The following MMP16 variants were observed in gnomAD, a reference collection of about 807,000 sequenced individuals.
The protein encoded by MMP16 is matrix metalloproteinase-16.
A neutral mutation model predicts 67.8 loss-of-function variants in MMP16; 12 were observed. The observed-to-expected ratio is 0.18, with a 90% CI of 0.11 to 0.29. The LOEUF is 0.29. MMP16 is among the 10% of genes least tolerant of loss of function. MMP16 has a pLI of 1.00. For synonymous variants in MMP16, 249 were observed against 255.9 expected (o/e 0.97, Z 0.26); for missense variants, 475 against 765.7 (o/e 0.62, Z 4.48).
intron 6 of MMP16, among the ~76,000 whole-genome samples, chr8:88,110,932 T>G (rs1057093375): frequency 1.3e-5 from 2 of 151,718 alleles, no homozygotes; most frequent in Admixed American, 6.6e-5. Context: ...ATGGAGTTTA[T>G]TAGCCATTAT....
chr8:88,146,448 C>T (rs369268355), intron 4 of MMP16, among the ~76,000 whole-genome samples: 39 of 151,940 alleles, frequency 2.6e-4, no homozygotes, highest in African/African-American at 8.7e-4. Flanking sequence ...TTTGCTGTTT[C>T]GAAAAGCACA....
intron 4 of MMP16, among the ~76,000 whole-genome samples, chr8:88,150,741 C>T (rs1184823142): frequency 5.1e-4 from 76 of 149,602 alleles, no homozygotes; most frequent in African/African-American, 1.7e-3. Flanking sequence ...ACAACCGGTA[C>T]CAGCCGCTGC....
chr8:88,136,234 C>A (rs984541085), intron 4 of MMP16, among the ~76,000 whole-genome samples: 5 of 151,800 alleles, frequency 3.3e-5, no homozygotes, highest in Admixed American at 3.3e-4. Flanking sequence ...TGACCTCTGA[C>A]AGGAGCCTGG....
intron 1 of MMP16, among the ~76,000 whole-genome samples, chr8:88,315,048 C>T (rs895539265): frequency 1.3e-5 from 2 of 152,152 alleles, no homozygotes; most frequent in South Asian, 2.1e-4. Flanking sequence ...AGGGATAACT[C>T]CTTTATTACC....
At chr8:88,296,152 G>A (rs533085791) in intron 1 of MMP16, among the ~76,000 whole-genome samples, 164 of 152,080 alleles carry the variant, frequency 1.1e-3, no homozygotes, top group African/African-American at 3.7e-3. Context: ...TTTATTCAAC[G>A]ATTATTCGCC....
chr8:88,075,324 G>C (rs1808629440), intron 6 of MMP16, among the ~76,000 whole-genome samples: 1 of 152,070 alleles, frequency 6.6e-6, no homozygotes, highest in Admixed American at 6.6e-5. Flanking sequence ...ATTCTAGTCT[G>C]GATTAATTGC....
chr8:88,055,597 G>T (rs901633402), intron 8 of MMP16, among the ~76,000 whole-genome samples: 7 of 152,178 alleles, frequency 4.6e-5, no homozygotes, highest in African/African-American at 1.7e-4. Context: ...GAGTAAAATA[G>T]TTGGGAAAAA....
At chr8:88,264,819 A>G (rs1810448927) in intron 1 of MMP16, among the ~76,000 whole-genome samples, 2 of 152,246 alleles carry the variant, frequency 1.3e-5, no homozygotes, top group South Asian at 4.1e-4. Context: ...ACACAGAGCT[A>G]ATACAACAAT....
intron 8 of MMP16, 64 bp downstream of exon 8, chr8:88,056,064 A>C: frequency 7.8e-7 from 1 of 1,283,390 alleles, no homozygotes; most frequent in Non-Finnish European, 1.0e-6. Flanking sequence ...CTGATAGACT[A>C]GAAATGCTGA....
Position 88,095,309 on chromosome 8 carries a change from G to C in MMP16, c.1084-20566C>G, listed in dbSNP as rs1809007495. ...GTTCTTTAATTTTTTTTTTCCACCA[G>C]CAACCTAAATAGAAATGGCATGTTA... On this transcript the variant is annotated intron_variant, in intron 6 of 9. Transcript: ENST00000286614. 2.0e-5 allele frequency among the ~76,000 whole-genome samples: 3 copies of C among 151,370 alleles called. No homozygotes were observed. The South Asian group carries it at 6.2e-4, about 31-fold the overall frequency.
At position 88,094,831 on chromosome 8, in the gene MMP16, T is replaced by C. The variant is rs151338646; in HGVS notation, c.1084-20088A>G. 4.6e-5 allele frequency among the ~76,000 whole-genome samples: 7 copies of C among 151,980 alleles called. No individual in the cohort carries two copies. In the East Asian group the frequency reaches 9.7e-4, roughly 21 times the overall value. On this transcript the variant is annotated intron_variant, in intron 6 of 9. Coordinates refer to ENST00000286614, the MANE Select transcript of MMP16 (RefSeq NM_005941.5). ...CCCTTGTACTACAGTTAATAGGTTT[T>C]ACTCTGTGTGTTATGTAAAGCCTGT...
At chr8:88,290,599 A>G (rs1810912212) in intron 1 of MMP16, among the ~76,000 whole-genome samples, 1 of 151,952 alleles carries the variant, frequency 6.6e-6, no homozygotes, top group Non-Finnish European at 1.5e-5. Context: ...TTATTTAGAG[A>G]CTGGGTGTGA....
chr8:88,254,423 T>A (rs1243817119), intron 1 of MMP16, among the ~76,000 whole-genome samples: 1 of 148,040 alleles, frequency 6.8e-6, no homozygotes, highest in African/African-American at 2.5e-5. Context: ...TTTACCTATA[T>A]AAAAAACCTG....
At chr8:88,079,829 C>G (rs760636975) in intron 6 of MMP16, among the ~76,000 whole-genome samples, 1 of 152,150 alleles carries the variant, frequency 6.6e-6, no homozygotes, top group Non-Finnish European at 1.5e-5. Flanking sequence ...TGTGAGAACA[C>G]AGCTAACAGG....
intron 6 of MMP16, among the ~76,000 whole-genome samples, chr8:88,075,938 T>TACACACACACAC (rs71556442): frequency 0.088 from 12,303 of 140,306 alleles, 592 homozygotes; most frequent in East Asian, 0.16. Context: ...CATATATTCA[T>TACACACACACAC]ACACACACAC....
At chr8:88,141,703 C>T (rs988557532) in intron 4 of MMP16, among the ~76,000 whole-genome samples, 1 of 151,994 alleles carries the variant, frequency 6.6e-6, no homozygotes, top group African/African-American at 2.4e-5. Context: ...TTATTTTCAC[C>T]ATTACTTTCA....
Position 88,037,077 on chromosome 8 carries a change from T to C in MMP16, c.*4384A>G, listed in dbSNP as rs901111174. ...TAGTTAATATGGACACACTATTTATTCCACTGTAAGATCCACAAAGTGTGG... is the reference window on the plus strand; with the variant it reads ...TAGTTAATATGGACACACTATTTATCCCACTGTAAGATCCACAAAGTGTGG... On this transcript the variant is annotated 3_prime_UTR_variant, in exon 10 of 10. Transcript: ENST00000286614. 6.0e-5 allele frequency: 9 copies of C among 150,938 alleles called. No individual in the cohort carries two copies. Among genetic ancestry groups the C allele is most frequent in the African/African-American group, 1.9e-4 (8 of 41,094 alleles). The allele number at this position is 150,938 out of a possible 1,614,324, so 9.3% of individuals were successfully genotyped here. A position where few individuals can be genotyped will look rare whatever the true frequency, so the allele number is the denominator to read the frequency against.
intron 1 of MMP16, among the ~76,000 whole-genome samples, chr8:88,227,150 T>C (rs1809783664): frequency 6.6e-6 from 1 of 152,024 alleles, no homozygotes; most frequent in African/African-American, 2.4e-5. Flanking sequence ...GAGATCACAC[T>C]GTGTCTCACA....
chr8:88,116,489 A>T lies in MMP16; in HGVS notation c.1083+18T>A. ...CACTTGATCTACTGTTAAAAAAAAA[A>T]AAATCACAGTCTCCTACCTTGAAAA... On this transcript the variant is annotated intron_variant, in intron 6 of 9. Transcript: ENST00000286614. 6.2e-7 allele frequency: 1 copy of T among 1,606,688 alleles called. No homozygotes were observed. Among genetic ancestry groups the T allele is most frequent in the Non-Finnish European group, 8.5e-7 (1 of 1,175,578 alleles).
Sources: gnomAD v4.1 joint callset for allele counts (sites outside exome capture counted in the v4.1 genomes callset) on GRCh38, gnomAD v4.1.1 for gene constraint, MANE v1.5 for transcripts, NCBI Gene and HGNC (gene_info 2026-07-23, HGNC 2026-07-21) for gene names.